The following ZNF385D variants were observed in gnomAD, a reference collection of about 807,000 sequenced individuals.
ZNF385D encodes the protein zinc finger protein 385D.
In ZNF385D, 15 loss-of-function variants were observed where a neutral mutation model predicts 35.8. The ratio of observed to expected loss-of-function variants is 0.42; its 90% CI spans 0.28 to 0.64. The LOEUF (loss-of-function observed/expected upper bound fraction) is 0.64. Among genes scored for constraint, ZNF385D ranks in the 30% least tolerant of loss-of-function variants. The probability of loss-of-function intolerance (pLI) is 0.23; values close to 1 mark genes in which losing one functional copy is unlikely to be tolerated. For synonymous variants in ZNF385D, 212 were observed against 186.8 expected (o/e 1.13, Z -1.10); for missense variants, 474 against 494.6 (o/e 0.96, Z 0.39).
intron 2 of ZNF385D, among the ~76,000 whole-genome samples, chr3:22,344,349 GATA>G (rs1695558806): frequency 6.6e-6 from 1 of 151,930 alleles, no homozygotes; most frequent in Admixed American, 6.6e-5. Context: ...TAAAATCAAG[GATA>G]ATATTACCTT....
intron 3 of ZNF385D, among the ~76,000 whole-genome samples, chr3:21,927,974 A>C (rs1416870057): frequency 6.6e-6 from 1 of 152,100 alleles, no homozygotes; most frequent in Non-Finnish European, 1.5e-5. Context: ...CTGAAATCCC[A>C]ATATTTTGGG....
intron 2 of ZNF385D, among the ~76,000 whole-genome samples, chr3:21,575,939 G>GA (rs747946016): frequency 4.6e-5 from 7 of 152,118 alleles, no homozygotes; most frequent in Non-Finnish European, 8.8e-5. Flanking sequence ...ATAGCAGTGG[G>GA]AAAACCTGGA....
Position 21,759,280 on chromosome 3 carries a change from A to G in ZNF385D, c.326-94252T>C, listed in dbSNP as rs377394867. Among the ~76,000 whole-genome samples the G allele has an allele frequency of 6.6e-5, 10 of 152,186 alleles. 1 individual carries two copies. Among genetic ancestry groups the G allele is most frequent in the African/African-American group, 2.4e-4 (10 of 41,448 alleles). ...GTCTTTAATATTGACCCGGACTGAT[A>G]TAATGCAGAAAGAGCTGACAGAGGA... is the stretch of plus-strand genomic sequence containing the variant. On this transcript the variant is annotated intron_variant, in intron 3 of 5. Coordinates refer to the ZNF385D transcript ENST00000494108.
intron 5 of ZNF385D, among the ~76,000 whole-genome samples, chr3:21,431,873 G>T (rs1452707017): frequency 6.6e-6 from 1 of 152,098 alleles, no homozygotes; most frequent in African/African-American, 2.4e-5. Flanking sequence ...TTCACATGAA[G>T]CAAGTATGTA....
chr3:22,348,177 T>C (rs1297318894), intron 2 of ZNF385D, among the ~76,000 whole-genome samples: 3 of 152,128 alleles, frequency 2.0e-5, no homozygotes, highest in South Asian at 2.1e-4. Flanking sequence ...TATAAGCTCA[T>C]TGTTACAAAG....
intron 2 of ZNF385D, among the ~76,000 whole-genome samples, chr3:22,357,993 G>T (rs893746341): frequency 6.6e-6 from 1 of 151,800 alleles, no homozygotes; most frequent in African/African-American, 2.4e-5. Context: ...CTCTTTCCCA[G>T]TTACCTTTGA....
intron 2 of ZNF385D, among the ~76,000 whole-genome samples, chr3:21,607,607 A>G (rs1480476286): frequency 6.6e-6 from 1 of 152,072 alleles, no homozygotes; most frequent in East Asian, 1.9e-4. Flanking sequence ...TTGGTTCTTG[A>G]AGAGACCTCA....
intron 2 of ZNF385D, among the ~76,000 whole-genome samples, chr3:22,236,929 A>G (rs541197126): frequency 6.6e-6 from 1 of 152,310 alleles, no homozygotes; most frequent in Admixed American, 6.5e-5. Flanking sequence ...TTATCTACAT[A>G]TTATGTGATA....
In ZNF385D at chr3:21,420,355, T is replaced by A. The variant is rs1477961045; in HGVS notation, c.*859A>T. On this transcript the variant is annotated 3_prime_UTR_variant, in exon 8 of 8. Coordinates refer to ENST00000281523, the MANE Select transcript of ZNF385D (RefSeq NM_024697.3). ...GTATTGATTTCTTTCTTAACACTCA[T>A]GATGCATGGGTTTCTCTGCTTTCAG... 1 of 152,246 alleles carries A rather than the reference T, an allele frequency of 6.6e-6. No homozygotes were observed. The highest frequency in any genetic ancestry group is 1.5e-5 in the Non-Finnish European group (1 of 68,032). 9.4% of individuals were successfully genotyped at this position (152,246 alleles called of 1,614,324 possible).
At chr3:21,985,285 A>G (rs1170364602) in intron 3 of ZNF385D, among the ~76,000 whole-genome samples, 1 of 93,976 alleles carries the variant, frequency 1.1e-5, no homozygotes, top group Admixed American at 9.1e-5. Flanking sequence ...CCCATTCAGT[A>G]TGATATTGGC....
At chr3:21,856,536 C>T (rs1696723413) in intron 3 of ZNF385D, among the ~76,000 whole-genome samples, 1 of 151,986 alleles carries the variant, frequency 6.6e-6, no homozygotes, top group Non-Finnish European at 1.5e-5. Context: ...GCTACTCAGG[C>T]CAGAAATCTT....
chr3:22,184,811 C>T (rs1021702786), intron 2 of ZNF385D, among the ~76,000 whole-genome samples: 3 of 152,020 alleles, frequency 2.0e-5, no homozygotes, highest in Admixed American at 2.0e-4. Flanking sequence ...TCAAACAAAA[C>T]AAAACGAAAA....
intron 3 of ZNF385D, among the ~76,000 whole-genome samples, chr3:21,515,962 T>C: frequency 6.6e-6 from 1 of 152,312 alleles, no homozygotes; most frequent in African/African-American, 2.4e-5. Flanking sequence ...AGTTGGTCTT[T>C]TGAGATGTTT....
intron 3 of ZNF385D, among the ~76,000 whole-genome samples, chr3:22,062,627 C>T (rs1293885902): frequency 3.3e-5 from 5 of 152,120 alleles, no homozygotes; most frequent in East Asian, 1.9e-4. Flanking sequence ...CCCCCTCGCC[C>T]CCAAAGATGC....
intron 3 of ZNF385D, among the ~76,000 whole-genome samples, chr3:22,025,875 A>C (rs1463102260): frequency 6.6e-6 from 1 of 152,216 alleles, no homozygotes; most frequent in Non-Finnish European, 1.5e-5. Context: ...TGTATGTCAG[A>C]TATAACCGTG....
At chr3:22,293,489 C>T (rs1239185752) in intron 2 of ZNF385D, among the ~76,000 whole-genome samples, 1 of 152,080 alleles carries the variant, frequency 6.6e-6, no homozygotes, top group East Asian at 1.9e-4. Flanking sequence ...TTCAATGATG[C>T]CCTCTAGCAA....
intron 3 of ZNF385D, among the ~76,000 whole-genome samples, chr3:21,768,964 C>A (rs1438387783): frequency 6.6e-6 from 1 of 151,978 alleles, no homozygotes; most frequent in African/African-American, 2.4e-5. Flanking sequence ...GGGAAAGTCA[C>A]AGGCTCAGGA....
chr3:22,110,287 G>C (rs1429260361), intron 3 of ZNF385D, among the ~76,000 whole-genome samples: 1 of 151,738 alleles, frequency 6.6e-6, no homozygotes, highest in Non-Finnish European at 1.5e-5. Flanking sequence ...CCCATTACTG[G>C]GTATATACCC....
chr3:22,289,251 G>A (rs1304413950), intron 2 of ZNF385D, among the ~76,000 whole-genome samples: 4 of 152,090 alleles, frequency 2.6e-5, no homozygotes, highest in African/African-American at 9.7e-5. Flanking sequence ...GTGATATAGG[G>A]AGACTCAAGC....
Sources: gnomAD v4.1 joint callset for allele counts (sites outside exome capture counted in the v4.1 genomes callset) on GRCh38, gnomAD v4.1.1 for gene constraint, MANE v1.5 for transcripts, NCBI Gene and HGNC (gene_info 2026-07-23, HGNC 2026-07-21) for gene names.